PDZD8: variants seen among roughly 807,000 people sequenced by gnomAD.
PDZD8 encodes the protein PDZ domain containing 8.
PDZD8 carries 14 observed loss-of-function variants against 85.8 expected under a neutral mutation model. The observed-to-expected ratio is 0.16, with a 90% confidence interval of 0.11 to 0.26. PDZD8 has a LOEUF of 0.26. PDZD8 is among the 10% of genes least tolerant of loss of function. The pLI, the probability that PDZD8 is intolerant of heterozygous loss-of-function variation, is 1.00. For missense variants in PDZD8, 1,197 were observed against 1,424.3 expected (o/e 0.84, Z 2.57); for synonymous variants, 592 against 568.6 (o/e 1.04, Z -0.59).
Position 117,279,470 on chromosome 10 carries a change from T to G in PDZD8, c.*3798A>C, listed in dbSNP as rs1844548277. 2 of 152,240 alleles carry G rather than the reference T, an allele frequency of 1.3e-5. No homozygotes were observed. The highest frequency in any genetic ancestry group is 2.9e-5 in the Non-Finnish European group (2 of 68,038). The allele number at this position is 152,240 out of a possible 1,614,324, so 9.4% of individuals were successfully genotyped here. A position where few individuals can be genotyped will look rare whatever the true frequency, so the allele number is the denominator to read the frequency against. On this transcript the variant is annotated 3_prime_UTR_variant, in exon 5 of 5. Coordinates refer to ENST00000334464, the MANE Select transcript of PDZD8 (RefSeq NM_173791.5). Reference sequence around the variant, plus strand: ...GTATTCCTTTATAAACCAAATGTTGTTGGAATAAAATACATAAGGTATCAT... The same window carrying G: ...GTATTCCTTTATAAACCAAATGTTGGTGGAATAAAATACATAAGGTATCAT...
intron 2 of PDZD8, among the ~76,000 whole-genome samples, chr10:117,325,606 T>C (rs1434284297): frequency 6.6e-6 from 1 of 151,912 alleles, no homozygotes; most frequent in African/African-American, 2.4e-5. Context: ...TTCCGCCATA[T>C]TGGCCAGGCT....
At chr10:117,293,117 T>C (rs1844798657) in intron 3 of PDZD8, among the ~76,000 whole-genome samples, 1 of 152,054 alleles carries the variant, frequency 6.6e-6, no homozygotes, top group African/African-American at 2.4e-5. Context: ...CACAAAAACA[T>C]TGTTATTTTA....
chr10:117,342,418 A>ACACACG (rs1190310232), intron 1 of PDZD8, among the ~76,000 whole-genome samples: 18 of 150,662 alleles, frequency 1.2e-4, no homozygotes, highest in Admixed American at 9.9e-4. Flanking sequence ...ACACACACAC[A>ACACACG]CACACACACA....
At position 117,283,486 on chromosome 10, in the gene PDZD8, T is replaced by C; in HGVS notation, c.3247A>G (p.Arg1083Gly). The C allele has an allele frequency of 6.2e-7, 1 of 1,614,192 alleles. No homozygotes were observed. Among genetic ancestry groups the C allele is most frequent in the Non-Finnish European group, 8.5e-7 (1 of 1,180,006 alleles). Residue 1083 changes from arginine (R) to glycine (G), a missense_variant, in exon 5 of 5, where the codon AGG (arginine) becomes GGG (glycine). Arg to Gly is a moderately radical substitution (Grantham distance 125, BLOSUM62 -2). Coordinates refer to ENST00000334464, the MANE Select transcript of PDZD8 (RefSeq NM_173791.5). ...LSAALAKSGERLQALTLLMIH... is the reference protein window; with the variant it reads ...LSAALAKSGEGLQALTLLMIH... ...ATAAGAAGTGTTAGAGCTTGTAGCC[T>C]TTCACCTGATTTAGCTAAGGCAGCA...
At chr10:117,346,397 C>T (rs901186114) in intron 1 of PDZD8, among the ~76,000 whole-genome samples, 3 of 152,114 alleles carry the variant, frequency 2.0e-5, no homozygotes, top group African/African-American at 4.8e-5. Context: ...AGCCAGGGCA[C>T]TCTTAAAATT....
intron 4 of PDZD8, among the ~76,000 whole-genome samples, chr10:117,289,456 C>T (rs1373983620): frequency 6.6e-6 from 1 of 152,150 alleles, no homozygotes; most frequent in Non-Finnish European, 1.5e-5. Flanking sequence ...TCTCAACAAG[C>T]CTAGAATAGA....
At chr10:117,291,620 G>C (rs1281967240) in intron 3 of PDZD8, among the ~76,000 whole-genome samples, 2 of 151,686 alleles carry the variant, frequency 1.3e-5, no homozygotes, top group African/African-American at 2.4e-5. Context: ...TGAGGTGGGA[G>C]GACCATTTGA....
Position 117,322,597 on chromosome 10 carries a change from T to C in PDZD8, c.996-3623A>G, listed in dbSNP as rs146209549. On this transcript the variant is annotated intron_variant, in intron 2 of 4. Transcript: ENST00000334464. The stretch of plus-strand genomic sequence containing the variant: ...GAACTCTAGTTTTCAGAATTTGCAG[T>C]TATGTTGGTTCTACATTCTTCATTT... 7.6e-4 allele frequency among the ~76,000 whole-genome samples: 115 copies of C among 152,304 alleles called. No individual in the cohort carries two copies. In the East Asian group the frequency reaches 0.021, roughly 28 times the overall value.
chr10:117,344,822 C>T (rs1196835736), intron 1 of PDZD8, among the ~76,000 whole-genome samples: 1 of 152,174 alleles, frequency 6.6e-6, no homozygotes, highest in African/African-American at 2.4e-5. Context: ...TACTTCCAGG[C>T]AAGTTCAGTC....
intron 1 of PDZD8, among the ~76,000 whole-genome samples, chr10:117,365,133 A>C (rs1024363811): frequency 1.3e-5 from 2 of 150,046 alleles, no homozygotes; most frequent in African/African-American, 4.9e-5. Flanking sequence ...CAAAAAAAAA[A>C]TGGCCAAAAA....
rs200041258 is a variant in PDZD8 at position 117,284,673 on chromosome 10, C to T, written c.2060G>A (p.Arg687His). The change falls in exon 5 of 5, where the codon CGT becomes CAT. Residue 687 changes from arginine (R) to histidine (H), a missense_variant. Physicochemically the swap from Arg to His is conservative, Grantham distance 29 (BLOSUM62 0). This residue lies in a region of PDZD8 where 418 missense variants were observed against 571.1 expected (regional missense o/e 0.73). Transcript: ENST00000334464. Reference protein sequence around the residue: ...QTWESSEILYRNKLGKWTRTR... With the variant: ...QTWESSEILYHNKLGKWTRTR... ...TCTTGTCCATTTTCCTAGCTTATTA[C>T]GATAAAGAATTTCTGATGATTCCCA... 94 of 1,613,996 alleles carry T rather than the reference C, an allele frequency of 5.8e-5. No individual in the cohort carries two copies. The highest frequency in any genetic ancestry group is 2.7e-4 in the Admixed American group (16 of 59,996).
chr10:117,364,181 GGTGT>G (rs71938439), intron 1 of PDZD8, among the ~76,000 whole-genome samples: 34,167 of 148,976 alleles, frequency 0.23, 4,405 homozygotes, highest in East Asian at 0.44. Flanking sequence ...ATAATTTATG[GGTGT>G]GTGTGTGTGT....
intron 1 of PDZD8, among the ~76,000 whole-genome samples, chr10:117,341,488 C>T (rs1844612178): frequency 6.6e-6 from 1 of 152,182 alleles, no homozygotes; most frequent in Non-Finnish European, 1.5e-5. Flanking sequence ...GTCCCCTTGG[C>T]ATCCATGGGG....
Position 117,284,596 on chromosome 10 carries a change from T to A in PDZD8, c.2137A>T (p.Ile713Phe), listed in dbSNP as rs911815844. ...DIEACHRYLN[I>F]ALWCRDPFKL... ...AAAGGATCCCTGCACCACAATGCAA[T>A]GTTTAAGTACCTGTGACAGGCTTCT... Residue 713 changes from isoleucine to phenylalanine, a missense_variant, in exon 5 of 5, where the codon ATT becomes TTT. This residue lies in a region of PDZD8 where 418 missense variants were observed against 571.1 expected (regional missense o/e 0.73). Transcript: ENST00000334464. 8.1e-6 allele frequency: 13 copies of A among 1,614,064 alleles called. No individual in the cohort carries two copies. The highest frequency in any genetic ancestry group is 1.0e-5 in the Non-Finnish European group (12 of 1,180,036).
intron 1 of PDZD8, among the ~76,000 whole-genome samples, chr10:117,349,644 A>T (rs1283113278): frequency 6.6e-6 from 1 of 152,076 alleles, no homozygotes; most frequent in African/African-American, 2.4e-5. Context: ...TTCTACAAAA[A>T]ATACAAAAAC....
intron 1 of PDZD8, among the ~76,000 whole-genome samples, chr10:117,346,816 G>A (rs947231654): frequency 4.1e-4 from 63 of 152,004 alleles, no homozygotes; most frequent in African/African-American, 1.4e-3. Context: ...GCCAGGTGGA[G>A]GCCTCATTTG....
intron 3 of PDZD8, among the ~76,000 whole-genome samples, chr10:117,295,407 T>G (rs1271188839): frequency 1.3e-5 from 2 of 152,166 alleles, no homozygotes; most frequent in Non-Finnish European, 2.9e-5. Context: ...TTATAGAACA[T>G]TATACTCAAC....
chr10:117,290,198 T>C lies in PDZD8; in HGVS notation c.1249A>G (p.Ile417Val), dbSNP rs375679168. ...IADLQRGDRL[I>V]AIGGVKITST... ...TTAGCATAATTACCTCCAATGGCGA[T>C]AAGTCGATCTCCCCGCTGAAGATCT... The change falls in exon 4 of 5, where the codon ATC (isoleucine) becomes GTC (valine). Residue 417 changes from isoleucine to valine, a missense_variant. By Grantham distance (29) the Ile-to-Val change is conservative (BLOSUM62 3). This residue lies in a region of PDZD8 where 344 missense variants were observed against 453.6 expected (regional missense o/e 0.76). Coordinates refer to ENST00000334464, the MANE Select transcript of PDZD8 (RefSeq NM_173791.5). 3 of 1,613,330 alleles carry C rather than the reference T, an allele frequency of 1.9e-6. No individual in the cohort carries two copies. Among genetic ancestry groups the C allele is most frequent in the Admixed American group, 3.3e-5 (2 of 59,784 alleles).
chr10:117,311,807 C>T (rs1049564004), intron 3 of PDZD8, among the ~76,000 whole-genome samples: 1 of 151,746 alleles, frequency 6.6e-6, no homozygotes, highest in Non-Finnish European at 1.5e-5. Context: ...TAAGAAGTTA[C>T]TATCAACCTT....
Sources: allele counts gnomAD v4.1 joint callset (sites outside exome capture counted in the v4.1 genomes callset), GRCh38; gene constraint gnomAD v4.1.1; regional missense constraint gnomAD v4.1.1; transcripts MANE v1.5; gene names NCBI Gene and HGNC (gene_info 2026-07-23, HGNC 2026-07-21).